Variants in TMEM232 observed in about 807,000 individuals in gnomAD.
TMEM232 encodes transmembrane protein 232.
TMEM232 carries 80 observed loss-of-function variants against 78.8 expected under a neutral mutation model. The ratio of observed to expected loss-of-function variants is 1.01; its 90% CI spans 0.85 to 1.22. TMEM232 has a LOEUF of 1.22. Ranked by LOEUF, TMEM232 falls within the 50% of genes most tolerant of loss-of-function variation. TMEM232 has a pLI of 0.00. For missense variants in TMEM232, 881 were observed against 742.2 expected (o/e 1.19, Z -2.17); for synonymous variants, 297 against 254.3 (o/e 1.17, Z -1.60).
intron 11 of TMEM232, among the ~76,000 whole-genome samples, chr5:110,532,147 T>C (rs546058644): frequency 4.4e-4 from 67 of 152,186 alleles, no homozygotes; most frequent in African/African-American, 1.4e-3. Flanking sequence ...AGCCAAAGAA[T>C]AGCCGCAGCC....
intron 4 of TMEM232, among the ~76,000 whole-genome samples, chr5:110,389,268 C>CAAACAAACAAACAAAACA (rs6149176): frequency 0.19 from 29,472 of 151,202 alleles, 4,794 homozygotes; most frequent in African/African-American, 0.43. Flanking sequence ...CTCAAACAAA[C>CAAACAAACAAACAAAACA]AAACAAAACA....
chr5:110,495,261 A>G (rs1475985761), intron 12 of TMEM232, among the ~76,000 whole-genome samples: 1 of 151,842 alleles, frequency 6.6e-6, no homozygotes, highest in East Asian at 1.9e-4. Flanking sequence ...CCTCTATTCC[A>G]GTGGTTCTCA....
At chr5:110,469,353 T>C (rs1762422975) in intron 12 of TMEM232, among the ~76,000 whole-genome samples, 1 of 152,214 alleles carries the variant, frequency 6.6e-6, no homozygotes, top group Non-Finnish European at 1.5e-5. Flanking sequence ...TGAGCTGGGC[T>C]GTGAACTGCT....
chr5:110,708,402 C>G (rs941234465), intron 1 of TMEM232, among the ~76,000 whole-genome samples: 5 of 152,040 alleles, frequency 3.3e-5, no homozygotes, highest in African/African-American at 1.2e-4. Context: ...TGTGAAGGCA[C>G]AAAATTCACT....
intron 11 of TMEM232, among the ~76,000 whole-genome samples, chr5:110,533,040 A>T (rs776063871): frequency 1.3e-5 from 2 of 151,942 alleles, no homozygotes; most frequent in Non-Finnish European, 2.9e-5. Context: ...CGTACACTCT[A>T]TTGTCCTCAA....
chr5:110,725,884 T>A (rs1464913508), intron 1 of TMEM232: 1 of 152,094 alleles, frequency 6.6e-6, no homozygotes, highest in Non-Finnish European at 1.5e-5. Flanking sequence ...CATTAGAGAA[T>A]ATAAGATTTA....
chr5:110,540,857 GCAAA>G (rs1283577472), intron 11 of TMEM232, among the ~76,000 whole-genome samples: 2 of 152,140 alleles, frequency 1.3e-5, no homozygotes, highest in African/African-American at 4.8e-5. Flanking sequence ...CTACTAACTA[GCAAA>G]CACTCTCCTA....
At chr5:110,470,411 A>C (rs1762547697) in intron 12 of TMEM232, among the ~76,000 whole-genome samples, 1 of 152,072 alleles carries the variant, frequency 6.6e-6, no homozygotes, top group South Asian at 2.1e-4. Flanking sequence ...CAAGACACTG[A>C]CCTGGAACCC....
At chr5:110,461,608 G>T (rs1761538151) in intron 12 of TMEM232, among the ~76,000 whole-genome samples, 1 of 152,208 alleles carries the variant, frequency 6.6e-6, no homozygotes, top group Non-Finnish European at 1.5e-5. Flanking sequence ...TTTATTGGAA[G>T]AAGATTTCAT....
chr5:110,405,665 G>A (rs1432080892), intron 2 of TMEM232, among the ~76,000 whole-genome samples: 1 of 149,892 alleles, frequency 6.7e-6, no homozygotes, highest in East Asian at 2.0e-4. Flanking sequence ...CAAGTAAATT[G>A]TAAAAGAAAG....
At chr5:110,585,896 C>CT (rs1167353929) in intron 10 of TMEM232, among the ~76,000 whole-genome samples, 2 of 152,158 alleles carry the variant, frequency 1.3e-5, no homozygotes, top group East Asian at 3.9e-4. Context: ...AAGCATACTG[C>CT]TGCAACCTAG....
At chr5:110,399,073 CA>C (rs1755496169) in intron 2 of TMEM232, among the ~76,000 whole-genome samples, 2 of 151,828 alleles carry the variant, frequency 1.3e-5, no homozygotes, top group South Asian at 4.1e-4. Context: ...CCTTTCTGCG[CA>C]AAGTAGCAGG....
rs147273441 is a variant in TMEM232 at position 110,646,791 on chromosome 5, G to A, written c.126-4420C>T. On this transcript the variant is annotated intron_variant, in intron 2 of 13. Coordinates refer to ENST00000455884, the MANE Select transcript of TMEM232 (RefSeq NM_001039763.4). ...AAATACTTGCAAACCATGTATCTGA[G>A]AAGGTGCTAATATCCAAAATATTTA... Among the ~76,000 whole-genome samples the A allele has an allele frequency of 1.4e-3, 217 of 151,822 alleles. 5 individuals carry two copies. In the East Asian group the frequency reaches 0.032, roughly 22 times the overall value.
chr5:110,581,821 A>G (rs1778238276), intron 10 of TMEM232, among the ~76,000 whole-genome samples: 1 of 151,706 alleles, frequency 6.6e-6, no homozygotes, highest in Admixed American at 6.6e-5. Context: ...GGAAAAACCA[A>G]ACAACTCCAT....
At chr5:110,693,881 T>C (rs983809694) in intron 1 of TMEM232, among the ~76,000 whole-genome samples, 30 of 152,250 alleles carry the variant, frequency 2.0e-4, no homozygotes, top group African/African-American at 6.3e-4. Context: ...AAACACTCTG[T>C]AGGATATTAT....
intron 1 of TMEM232, among the ~76,000 whole-genome samples, chr5:110,682,827 C>A (rs1428776070): frequency 6.6e-6 from 1 of 152,066 alleles, no homozygotes; most frequent in African/African-American, 2.4e-5. Flanking sequence ...TCTGACCCTG[C>A]CAACCACCCC....
At chr5:110,630,650 C>G (rs569389061) in intron 5 of TMEM232, among the ~76,000 whole-genome samples, 1 of 152,238 alleles carries the variant, frequency 6.6e-6, no homozygotes, top group East Asian at 1.9e-4. Flanking sequence ...CTGAGGCCTC[C>G]CAGTCATGCT....
chr5:110,533,296 A>G (rs1225688453), intron 11 of TMEM232, among the ~76,000 whole-genome samples: 2 of 152,068 alleles, frequency 1.3e-5, no homozygotes, highest in African/African-American at 4.8e-5. Flanking sequence ...AAAAGCACAC[A>G]TGCTCTCCCT....
chr5:110,615,535 T>C (rs764788747), intron 8 of TMEM232, among the ~76,000 whole-genome samples: 4 of 151,952 alleles, frequency 2.6e-5, no homozygotes, highest in Non-Finnish European at 5.9e-5. Flanking sequence ...TTATCCTCAA[T>C]GGTGAAAAGT....
Sources: allele counts gnomAD v4.1 joint callset (sites outside exome capture counted in the v4.1 genomes callset), GRCh38; gene constraint gnomAD v4.1.1; transcripts MANE v1.5; gene names NCBI Gene and HGNC (gene_info 2026-07-23, HGNC 2026-07-21).